The following ST6GALNAC3 variants were observed in gnomAD, a reference collection of about 807,000 sequenced individuals.
The protein encoded by ST6GALNAC3 is ST6 N-acetylgalactosaminide alpha-2,6-sialyltransferase 3.
ST6GALNAC3 carries 25 observed loss-of-function variants against 32.7 expected under a neutral mutation model. The observed-to-expected ratio is 0.76, with a 90% CI of 0.56 to 1.07. The LOEUF (loss-of-function observed/expected upper bound fraction) is 1.07, where lower values mean the gene tolerates loss of function less well. ST6GALNAC3 is among the 50% of genes least tolerant of loss of function. The probability of loss-of-function intolerance (pLI) is 0.00; values close to 1 mark genes in which losing one functional copy is unlikely to be tolerated. For synonymous variants in ST6GALNAC3, 129 were observed against 133.1 expected (o/e 0.97, Z 0.21); for missense variants, 355 against 382.4 (o/e 0.93, Z 0.60).
intron 2 of ST6GALNAC3, among the ~76,000 whole-genome samples, chr1:76,404,775 T>C (rs1009759448): frequency 2.0e-5 from 3 of 152,060 alleles, no homozygotes; most frequent in Non-Finnish European, 2.9e-5. Context: ...AGTAAATTAG[T>C]GAGTGGTGAG....
At chr1:76,516,013 G>C (rs530265642) in intron 3 of ST6GALNAC3, among the ~76,000 whole-genome samples, 2 of 152,252 alleles carry the variant, frequency 1.3e-5, no homozygotes, top group South Asian at 4.1e-4. Flanking sequence ...GTTAAAGTCC[G>C]ATACTATTAT....
intron 3 of ST6GALNAC3, among the ~76,000 whole-genome samples, chr1:76,604,977 T>G (rs1422640326): frequency 6.6e-6 from 1 of 152,192 alleles, no homozygotes; most frequent in Non-Finnish European, 1.5e-5. Context: ...CTGTCACCAA[T>G]ATTTCCCATA....
At chr1:76,304,303 G>T (rs896818788) in intron 1 of ST6GALNAC3, among the ~76,000 whole-genome samples, 4 of 151,694 alleles carry the variant, frequency 2.6e-5, no homozygotes, top group African/African-American at 9.7e-5. Context: ...CAAAATTAAG[G>T]GGGAATCTTT....
intron 1 of ST6GALNAC3, among the ~76,000 whole-genome samples, chr1:76,165,548 A>G (rs910456142): frequency 1.3e-5 from 2 of 152,162 alleles, no homozygotes; most frequent in African/African-American, 4.8e-5. Context: ...TAATGAGATT[A>G]CTAGGTCAAA....
At chr1:76,250,285 T>C (rs1158736640) in intron 1 of ST6GALNAC3, among the ~76,000 whole-genome samples, 2 of 152,232 alleles carry the variant, frequency 1.3e-5, no homozygotes, top group Non-Finnish European at 2.9e-5. Context: ...AGACAAAGTT[T>C]TGGCTGTGCT....
intron 1 of ST6GALNAC3, among the ~76,000 whole-genome samples, chr1:76,133,247 T>C (rs1649728672): frequency 6.6e-6 from 1 of 152,154 alleles, no homozygotes; most frequent in African/African-American, 2.4e-5. Context: ...ATTGAGCACA[T>C]TTCCATGGTT....
At chr1:76,171,814 CAACAA>C (rs1317368030) in intron 1 of ST6GALNAC3, among the ~76,000 whole-genome samples, 45 of 56,874 alleles carry the variant, frequency 7.9e-4, no homozygotes, top group African/African-American at 1.9e-3. Flanking sequence ...ACCAAAACAA[CAACAA>C]AAAAAAAAAA....
chr1:76,552,889 C>T (rs1290681527), intron 3 of ST6GALNAC3, among the ~76,000 whole-genome samples: 2 of 152,056 alleles, frequency 1.3e-5, no homozygotes, highest in African/African-American at 2.4e-5. Context: ...TAATATTTAT[C>T]AAGTTTAGAA....
At chr1:76,131,187 G>C (rs1649586510) in intron 1 of ST6GALNAC3, among the ~76,000 whole-genome samples, 2 of 152,236 alleles carry the variant, frequency 1.3e-5, no homozygotes, top group Non-Finnish European at 2.9e-5. Context: ...ATGTCCCTGA[G>C]AAACTGTACT....
intron 1 of ST6GALNAC3, among the ~76,000 whole-genome samples, chr1:76,278,320 C>T (rs1442727137): frequency 4.0e-5 from 6 of 150,308 alleles, no homozygotes; most frequent in African/African-American, 1.5e-4. Context: ...CTCCCGGGTT[C>T]ACGCCATTCT....
In ST6GALNAC3 at chr1:76,203,497, T is replaced by C. The variant is rs1309065769; in HGVS notation, c.19-110308T>C. Among the ~76,000 whole-genome samples, 9 of 147,908 alleles carry C rather than the reference T, an allele frequency of 6.1e-5. 1 individual carries two copies. The South Asian group carries it at 1.8e-3, about 30-fold the overall frequency. On this transcript the variant is annotated intron_variant, in intron 1 of 4. Coordinates refer to ENST00000328299, the MANE Select transcript of ST6GALNAC3 (RefSeq NM_152996.4). ...GACCCTGCTCTACAGATGATTATGG[T>C]CAAATGAGGGAAAAGGTGACTTGTG...
chr1:76,336,795 C>CAAGGACA (rs980063367), intron 2 of ST6GALNAC3, among the ~76,000 whole-genome samples: 2 of 152,146 alleles, frequency 1.3e-5, no homozygotes, highest in Non-Finnish European at 2.9e-5. Context: ...GTGACATGGC[C>CAAGGACA]AAGGGCAAAG....
intron 2 of ST6GALNAC3, among the ~76,000 whole-genome samples, chr1:76,376,263 A>C (rs1305904428): frequency 6.6e-6 from 1 of 152,236 alleles, no homozygotes. Flanking sequence ...TAGAAAGTTG[A>C]CATTAATATA....
chr1:76,574,543 G>T (rs1387850007), intron 3 of ST6GALNAC3, among the ~76,000 whole-genome samples: 1 of 151,970 alleles, frequency 6.6e-6, no homozygotes, highest in Non-Finnish European at 1.5e-5. Flanking sequence ...TCCTGAAGCA[G>T]CCCATTCCAC....
chr1:76,105,951 A>G (rs1394920677), intron 1 of ST6GALNAC3, among the ~76,000 whole-genome samples: 1 of 152,236 alleles, frequency 6.6e-6, no homozygotes, highest in African/African-American at 2.4e-5. Context: ...TTGTCAGGTA[A>G]CATGGAAAGA....
chr1:76,559,535 A>G (rs1665123424), intron 3 of ST6GALNAC3, among the ~76,000 whole-genome samples: 2 of 152,234 alleles, frequency 1.3e-5, no homozygotes, highest in African/African-American at 4.8e-5. Flanking sequence ...CTTTGTCAAA[A>G]TTAAAAACCT....
At chr1:76,106,215 G>A (rs1172656524) in intron 1 of ST6GALNAC3, among the ~76,000 whole-genome samples, 1 of 152,122 alleles carries the variant, frequency 6.6e-6, no homozygotes, top group African/African-American at 2.4e-5. Flanking sequence ...AATCCAATGG[G>A]AAATTTTTTC....
Position 76,437,582 on chromosome 1 carries a change from C to CT in ST6GALNAC3, c.623+25179dup, listed in dbSNP as rs11298028. On this transcript the variant is annotated intron_variant, in intron 3 of 4. Transcript: ENST00000328299. ...ATTCTTTTCTTTCTTTTTTTTTTCT[C>CT]TTTTTTTTTTTTTTGAGACGGAGTC... Among the ~76,000 whole-genome samples the CT allele has an allele frequency of 4.6e-3, 640 of 137,684 alleles. 6 individuals are homozygous for CT. Among genetic ancestry groups the CT allele is most frequent in the South Asian group, 0.027 (118 of 4,400 alleles). 90.3% of individuals were successfully genotyped at this position (137,684 alleles called of 152,430 possible).
At chr1:76,304,029 G>GA (rs952523292) in intron 1 of ST6GALNAC3, among the ~76,000 whole-genome samples, 6 of 147,848 alleles carry the variant, frequency 4.1e-5, no homozygotes, top group East Asian at 3.9e-4. Flanking sequence ...GATGAATTAA[G>GA]AAAAAAAAAG....
Sources: gnomAD v4.1 joint callset for allele counts (sites outside exome capture counted in the v4.1 genomes callset) on GRCh38, gnomAD v4.1.1 for gene constraint, MANE v1.5 for transcripts, NCBI Gene and HGNC (gene_info 2026-07-23, HGNC 2026-07-21) for gene names.